NDUFAF2: variants seen among roughly 807,000 people sequenced by gnomAD.
The protein encoded by NDUFAF2 is NADH:ubiquinone oxidoreductase complex assembly factor 2.
Under a neutral mutation model 22.8 loss-of-function variants are expected in NDUFAF2, and 13 were observed. That is an observed-to-expected ratio of 0.57 (90% CI 0.37 to 0.91). NDUFAF2 has a LOEUF of 0.91. NDUFAF2 is among the 40% of genes least tolerant of loss of function. The pLI is 0.01. For synonymous variants in NDUFAF2, 53 were observed against 64.2 expected (o/e 0.83, Z 0.84); for missense variants, 162 against 195.2 (o/e 0.83, Z 1.01).
intron 2 of NDUFAF2, among the ~76,000 whole-genome samples, chr5:61,084,035 C>G (rs1432716551): frequency 6.6e-6 from 1 of 151,628 alleles, no homozygotes; most frequent in Admixed American, 6.6e-5. Flanking sequence ...AACAACTTTG[C>G]CTTGTTCTTG....
intron 3 of NDUFAF2, among the ~76,000 whole-genome samples, chr5:61,129,584 T>C (rs1463518895): frequency 6.8e-6 from 1 of 146,784 alleles, no homozygotes; most frequent in Non-Finnish European, 1.5e-5. Flanking sequence ...TAGGTGGGAA[T>C]TGAACAATGA....
intron 3 of NDUFAF2, among the ~76,000 whole-genome samples, chr5:61,103,626 A>T (rs760267480): frequency 1.3e-4 from 20 of 152,096 alleles, no homozygotes; most frequent in Non-Finnish European, 2.5e-4. Context: ...GCCATTATAG[A>T]CTTAAAAATC....
At chr5:61,092,693 C>A (rs1334790788) in intron 2 of NDUFAF2, among the ~76,000 whole-genome samples, 1 of 152,052 alleles carries the variant, frequency 6.6e-6, no homozygotes, top group Non-Finnish European at 1.5e-5. Flanking sequence ...ATTTGGATGC[C>A]CTTTACTTTT....
intron 1 of NDUFAF2, among the ~76,000 whole-genome samples, chr5:61,011,731 G>T (rs2112598018): frequency 6.6e-6 from 1 of 152,142 alleles, no homozygotes; most frequent in Non-Finnish European, 1.5e-5. Flanking sequence ...ATCCTCTACT[G>T]ATAACGTTAT....
Position 61,129,121 on chromosome 5 carries a change from G to A in NDUFAF2, c.259-23583G>A, listed in dbSNP as rs551188726. On this transcript the variant is annotated intron_variant, in intron 3 of 3. Transcript: ENST00000296597. The stretch of plus-strand genomic sequence containing the variant: ...ATATTATCACACCAGTTAGAATGGC[G>A]ATCATTAAAAAGTCAGGAAACAACA... 7.0e-4 allele frequency among the ~76,000 whole-genome samples: 106 copies of A among 152,196 alleles called. 1 individual carries two copies. The highest frequency in any genetic ancestry group is 2.3e-3 in the African/African-American group (97 of 41,560).
At chr5:60,962,544 A>C (rs1446756974) in intron 1 of NDUFAF2, among the ~76,000 whole-genome samples, 1 of 152,248 alleles carries the variant, frequency 6.6e-6, no homozygotes, top group African/African-American at 2.4e-5. Flanking sequence ...ACATTCATAA[A>C]CATTAGAAAA....
At chr5:61,008,571 T>C (rs1751403300) in intron 1 of NDUFAF2, among the ~76,000 whole-genome samples, 1 of 152,120 alleles carries the variant, frequency 6.6e-6, no homozygotes, top group Non-Finnish European at 1.5e-5. Flanking sequence ...TCATTCCCTA[T>C]AAAATGCGGA....
rs556307830 is a variant in NDUFAF2 at position 61,109,904 on chromosome 5, C to A, written c.258+10872C>A. Among the ~76,000 whole-genome samples the A allele has an allele frequency of 3.9e-5, 6 of 152,102 alleles. No individual in the cohort carries two copies. In the South Asian group the frequency reaches 1.0e-3, roughly 26 times the overall value. Reference sequence around the variant, plus strand: ...TACCTGGTCTCAAGTATGTCTTTATCGCAGTGTGAAAAATGGACTAATACA... The same window carrying A: ...TACCTGGTCTCAAGTATGTCTTTATAGCAGTGTGAAAAATGGACTAATACA... On this transcript the variant is annotated intron_variant, in intron 3 of 3. Transcript: ENST00000296597.
intron 1 of NDUFAF2, among the ~76,000 whole-genome samples, chr5:61,025,868 C>T (rs944426612): frequency 2.3e-4 from 35 of 151,734 alleles, no homozygotes; most frequent in African/African-American, 8.2e-4. Context: ...ATTTGTAAAA[C>T]ATATATTAAT....
At chr5:60,978,705 C>G (rs1750935791) in intron 1 of NDUFAF2, among the ~76,000 whole-genome samples, 1 of 152,098 alleles carries the variant, frequency 6.6e-6, no homozygotes, top group Non-Finnish European at 1.5e-5. Context: ...GACACAGACC[C>G]AAATCATATC....
At chr5:60,984,351 A>G (rs1048560662) in intron 1 of NDUFAF2, among the ~76,000 whole-genome samples, 5 of 152,106 alleles carry the variant, frequency 3.3e-5, no homozygotes, top group Admixed American at 6.5e-5. Flanking sequence ...AAACAGGGAC[A>G]ATTTGACTTC....
At chr5:61,128,807 A>G (rs1348846354) in intron 3 of NDUFAF2, among the ~76,000 whole-genome samples, 6 of 152,190 alleles carry the variant, frequency 3.9e-5, no homozygotes, top group Non-Finnish European at 5.9e-5. Context: ...ATGGGATCTA[A>G]TTAAACTAAA....
intron 1 of NDUFAF2, among the ~76,000 whole-genome samples, chr5:61,060,106 CT>C (rs1045623539): frequency 4.0e-5 from 6 of 151,244 alleles, no homozygotes; most frequent in African/African-American, 1.2e-4. Flanking sequence ...TACCCTATAC[CT>C]TTTTTTTTCT....
At chr5:61,088,964 T>C (rs960121669) in intron 2 of NDUFAF2, among the ~76,000 whole-genome samples, 1 of 152,104 alleles carries the variant, frequency 6.6e-6, no homozygotes, top group African/African-American at 2.4e-5. Context: ...ACCTACTGGA[T>C]CTGGTGATAG....
intron 1 of NDUFAF2, among the ~76,000 whole-genome samples, chr5:60,981,271 A>G (rs989149463): frequency 6.6e-6 from 1 of 152,188 alleles, no homozygotes; most frequent in Non-Finnish European, 1.5e-5. Context: ...AGGTCAGGAG[A>G]CAGTGGCATG....
chr5:61,087,870 C>T (rs1170909367), intron 2 of NDUFAF2, among the ~76,000 whole-genome samples: 1 of 152,062 alleles, frequency 6.6e-6, no homozygotes, highest in Non-Finnish European at 1.5e-5. Flanking sequence ...GTTTTTATTG[C>T]TGTATGTCAA....
intron 1 of NDUFAF2, among the ~76,000 whole-genome samples, chr5:60,968,173 A>G (rs1022640302): frequency 2.6e-5 from 4 of 151,816 alleles, no homozygotes; most frequent in African/African-American, 9.7e-5. Context: ...TTCTTTCTGT[A>G]GTATCCGTTG....
intron 1 of NDUFAF2, among the ~76,000 whole-genome samples, chr5:61,003,683 C>T (rs963318333): frequency 5.0e-5 from 7 of 140,510 alleles, no homozygotes; most frequent in African/African-American, 1.3e-4. Flanking sequence ...CAGGATCTTG[C>T]TCTGTCACCC....
chr5:61,128,883 C>T (rs140345286), intron 3 of NDUFAF2, among the ~76,000 whole-genome samples: 79,021 of 151,556 alleles, frequency 0.52, 21,845 homozygotes, highest in East Asian at 0.91. Context: ...TGGGAGAAAA[C>T]TTTTGCAATC....
Sources: allele counts gnomAD v4.1 joint callset (sites outside exome capture counted in the v4.1 genomes callset), GRCh38; gene constraint gnomAD v4.1.1; transcripts MANE v1.5; gene names NCBI Gene and HGNC (gene_info 2026-07-23, HGNC 2026-07-21).